CREBBP: variants seen among roughly 807,000 people sequenced by gnomAD.
CREBBP encodes CREB binding lysine acetyltransferase, also known as CREB-binding protein.
In CREBBP, 19 loss-of-function variants were observed where a neutral mutation model predicts 265.0. The ratio of observed to expected loss-of-function variants is 0.07; its 90% confidence interval spans 0.05 to 0.11. The LOEUF is 0.11. Ranked by LOEUF, CREBBP falls within the 10% of genes least tolerant of loss-of-function variation. CREBBP has a pLI of 1.00. For missense variants in CREBBP, 2,525 were observed against 3,219.0 expected (o/e 0.78, Z 5.22); for synonymous variants, 1,457 against 1,223.7 (o/e 1.19, Z -3.98).
At chr16:3,750,648 A>G (rs549197181) in intron 20 of CREBBP, among the ~76,000 whole-genome samples, 1 of 152,356 alleles carries the variant, frequency 6.6e-6, no homozygotes, top group African/African-American at 2.4e-5. Flanking sequence ...AACACTGGAA[A>G]TACAAGTTTA....
intron 20 of CREBBP, 133 bp from the exon 21 acceptor site, chr16:3,749,816 A>C: frequency 1.6e-6 from 1 of 631,240 alleles, no homozygotes; most frequent in Non-Finnish European, 2.8e-6. Context: ...TAAAATCTCA[A>C]GTACATGTAA....
chr16:3,756,013 C>A (rs2151379750), intron 19 of CREBBP, among the ~76,000 whole-genome samples: 1 of 151,940 alleles, frequency 6.6e-6, no homozygotes, highest in Non-Finnish European at 1.5e-5. Flanking sequence ...TATTACTTAT[C>A]TTGAATATGG....
At chr16:3,745,390 G>A (rs998553707) in intron 21 of CREBBP, 36 bp from the exon 22 acceptor site, 17 of 1,593,082 alleles carry the variant, frequency 1.1e-5, no homozygotes, top group South Asian at 2.2e-5. Flanking sequence ...TAAAGCACAC[G>A]GAACCACAAG....
intron 25 of CREBBP, among the ~76,000 whole-genome samples, chr16:3,739,180 C>T (rs994395931): frequency 1.3e-5 from 2 of 152,226 alleles, no homozygotes; most frequent in Non-Finnish European, 2.9e-5. Context: ...TGGCACCACT[C>T]GGCACAGAGA....
chr16:3,787,067 T>C (rs2053404335), intron 5 of CREBBP, among the ~76,000 whole-genome samples: 1 of 133,634 alleles, frequency 7.5e-6, no homozygotes, highest in Admixed American at 7.2e-5. Context: ...TGAGACTTCG[T>C]CTCAAAAAAA....
intron 16 of CREBBP, chr16:3,761,688 C>T (rs1348452291): frequency 1.1e-5 from 5 of 462,778 alleles, no homozygotes; most frequent in East Asian, 6.7e-5. Context: ...GCACTCCCCA[C>T]GCACACGGTC....
chr16:3,782,944 C>T lies in CREBBP; in HGVS notation c.1331-18G>A. On this transcript the variant is annotated intron_variant, in intron 5 of 30. Transcript: ENST00000262367. ...CAGGATGGCTATAACGACAAACAGA[C>T]AGACAGACAAAAACGAGAGGTAAGT... The T allele has an allele frequency of 1.9e-6, 3 of 1,614,108 alleles. No individual in the cohort carries two copies. Among genetic ancestry groups the T allele is most frequent in the Middle Eastern group, 1.6e-4 (1 of 6,062 alleles).
chr16:3,809,523 C>A (rs1006189766), intron 3 of CREBBP, among the ~76,000 whole-genome samples: 1 of 152,132 alleles, frequency 6.6e-6, no homozygotes, highest in African/African-American at 2.4e-5. Context: ...GAGCCAGCAC[C>A]TGACAGGACA....
At chr16:3,760,391 G>GT (rs35861892) in intron 16 of CREBBP, among the ~76,000 whole-genome samples, 1,310 of 75,994 alleles carry the variant, frequency 0.017, 160 homozygotes, top group Non-Finnish European at 0.019. Flanking sequence ...TCATGCCCAG[G>GT]TTTTTTTTTT....
At chr16:3,762,860 C>T (rs973921107) in intron 16 of CREBBP, among the ~76,000 whole-genome samples, 9 of 151,712 alleles carry the variant, frequency 5.9e-5, no homozygotes, top group Admixed American at 2.0e-4. Context: ...CTGCAAGCTC[C>T]GCCTCCCAGG....
intron 1 of CREBBP, among the ~76,000 whole-genome samples, chr16:3,851,860 C>CAAAAAAAAAAAAAAA (rs1159688899): frequency 1.7e-4 from 5 of 28,964 alleles, no homozygotes; most frequent in African/African-American, 4.9e-4. Context: ...GACTCCGTCT[C>CAAAAAAAAAAAAAAA]AAAAAAAAAA....
At chr16:3,877,488 T>C (rs1281801293) in intron 1 of CREBBP, among the ~76,000 whole-genome samples, 1 of 152,180 alleles carries the variant, frequency 6.6e-6, no homozygotes, top group Non-Finnish European at 1.5e-5. Context: ...CTGCAACCTC[T>C]GCCTCCCGAG....
At chr16:3,784,147 C>A (rs1013383271) in intron 5 of CREBBP, among the ~76,000 whole-genome samples, 1 of 152,142 alleles carries the variant, frequency 6.6e-6, no homozygotes, top group Non-Finnish European at 1.5e-5. Flanking sequence ...GACCACAAAG[C>A]CTTTCTTTCA....
At chr16:3,858,224 A>T (rs936101510) in intron 1 of CREBBP, among the ~76,000 whole-genome samples, 1 of 152,382 alleles carries the variant, frequency 6.6e-6, no homozygotes, top group South Asian at 2.1e-4. Context: ...TGGCTAAATC[A>T]ATCTGTGCAG....
chr16:3,778,858 T>C (rs1567306283), intron 8 of CREBBP, 41 bp from the exon 9 acceptor site: 4 of 1,557,400 alleles, frequency 2.6e-6, no homozygotes, highest in Non-Finnish European at 3.5e-6. Flanking sequence ...TTTTTTTTTC[T>C]TCTTTTTTTT....
intron 5 of CREBBP, among the ~76,000 whole-genome samples, chr16:3,789,934 A>G (rs988264349): frequency 1.4e-4 from 21 of 152,136 alleles, no homozygotes; most frequent in South Asian, 2.1e-4. Flanking sequence ...CAAAAACCAC[A>G]TAAGTGTTTC....
chr16:3,810,780 C>G lies in CREBBP; in HGVS notation c.799-1G>C. 1 of 1,613,500 alleles carries G rather than the reference C, an allele frequency of 6.2e-7. No individual in the cohort carries two copies. The highest frequency in any genetic ancestry group is 8.5e-7 in the Non-Finnish European group (1 of 1,179,930). Reference sequence around the variant, plus strand: ...GACTTGTGTTCCCAGTTATTCCCATCTGAAACAAAAAAGAGGTAACATCAG... The same window carrying G: ...GACTTGTGTTCCCAGTTATTCCCATGTGAAACAAAAAAGAGGTAACATCAG... On this transcript the variant is annotated splice_acceptor_variant, in intron 2 of 30. Transcript: ENST00000262367. LOFTEE classifies it high-confidence loss of function.
At chr16:3,732,282 G>A (rs1455907816) in intron 28 of CREBBP, among the ~76,000 whole-genome samples, 1 of 152,200 alleles carries the variant, frequency 6.6e-6, no homozygotes, top group African/African-American at 2.4e-5. Flanking sequence ...CACAACTGTG[G>A]TCAGCAGCTG....
At chr16:3,793,241 A>C in intron 4 of CREBBP, 145 bp downstream of exon 4, 3 of 1,051,554 alleles carry the variant, frequency 2.9e-6, no homozygotes, top group African/African-American at 1.6e-5. Flanking sequence ...CGCGTGGGGA[A>C]CGTGAGCGCA....
Sources: gnomAD v4.1 joint callset for allele counts (sites outside exome capture counted in the v4.1 genomes callset) on GRCh38, gnomAD v4.1.1 for gene constraint, MANE v1.5 for transcripts, NCBI Gene and HGNC (gene_info 2026-07-23, HGNC 2026-07-21) for gene names.